Variants in KPNA5 observed in about 807,000 individuals in gnomAD.
The protein encoded by KPNA5 is importin subunit alpha-6.
KPNA5 carries 46 observed loss-of-function variants against 71.3 expected under a neutral mutation model. That is an observed-to-expected ratio of 0.65 (90% confidence interval 0.51 to 0.83). KPNA5 has a LOEUF of 0.83. Among genes scored for constraint, KPNA5 ranks in the 40% least tolerant of loss-of-function variants. KPNA5 has a pLI of 0.00. For synonymous variants in KPNA5, 207 were observed against 201.4 expected (o/e 1.03, Z -0.24); for missense variants, 547 against 628.3 (o/e 0.87, Z 1.38).
intron 1 of KPNA5, among the ~76,000 whole-genome samples, chr6:116,683,751 C>T (rs966928346): frequency 1.3e-5 from 2 of 151,328 alleles, no homozygotes; most frequent in Non-Finnish European, 2.9e-5. Flanking sequence ...GTGCCCACCA[C>T]CACGCCCGGC....
chr6:116,684,533 T>G (rs1777495448), intron 1 of KPNA5, among the ~76,000 whole-genome samples: 1 of 152,178 alleles, frequency 6.6e-6, no homozygotes, highest in Admixed American at 6.5e-5. Context: ...AAATATTCCT[T>G]TATCTTTTGA....
intron 4 of KPNA5, 41 bp from the exon 5 acceptor site, chr6:116,698,663 T>C: frequency 8.3e-7 from 1 of 1,201,498 alleles, no homozygotes; most frequent in South Asian, 1.3e-5. Context: ...TTGTTTTCTT[T>C]TTGTGTCTTT....
rs966587260 is a variant in KPNA5, at chr6:116,705,211, A to G, written c.656+51A>G. 2.3e-6 allele frequency: 3 copies of G among 1,283,968 alleles called. No homozygotes were observed. The Admixed American group carries it at 5.7e-5, about 24-fold the overall frequency. The allele number at this position is 1,283,968 out of a possible 1,614,324, so 79.5% of individuals were successfully genotyped here. On this transcript the variant is annotated intron_variant, in intron 7 of 13. Coordinates refer to ENST00000368564, the MANE Select transcript of KPNA5 (RefSeq NM_001366306.2). ...TATATCAAAAACTATATACTCCATG[A>G]TATTCTACATACATAATTAAGTTCT...
At chr6:116,681,586 G>A in intron 1 of KPNA5, 1 of 1,207,904 alleles carries the variant, frequency 8.3e-7, no homozygotes, top group Non-Finnish European at 1.0e-6. Context: ...GTCCTCTGGA[G>A]TGATGGGCAG....
intron 7 of KPNA5, among the ~76,000 whole-genome samples, chr6:116,712,822 C>T (rs1010724121): frequency 2.6e-5 from 4 of 151,844 alleles, no homozygotes; most frequent in Admixed American, 6.6e-5. Flanking sequence ...ACTATTGATT[C>T]CTTTCTTGTT....
intron 2 of KPNA5, among the ~76,000 whole-genome samples, chr6:116,689,933 G>A (rs1258179471): frequency 1.3e-5 from 2 of 152,194 alleles, no homozygotes; most frequent in African/African-American, 4.8e-5. Context: ...AATTGTTTAA[G>A]AGAGTACATC....
chr6:116,689,860 C>T (rs974896911), intron 2 of KPNA5, among the ~76,000 whole-genome samples: 8 of 152,154 alleles, frequency 5.3e-5, no homozygotes, highest in African/African-American at 1.9e-4. Context: ...TCATACTGTT[C>T]CCCCATTGTC....
chr6:116,689,308 C>T lies in KPNA5; in HGVS notation c.5-12C>T. ...GTTATCAGTGTCTGTTTTCTTTTCT[C>T]CTTCCTTTAAGATGCCATGGCTAGT... On this transcript the variant is annotated splice_polypyrimidine_tract_variant and intron_variant, in intron 1 of 13. Coordinates refer to ENST00000368564, the MANE Select transcript of KPNA5 (RefSeq NM_001366306.2). The T allele has an allele frequency of 6.3e-7, 1 of 1,595,546 alleles. No individual in the cohort carries two copies. The highest frequency in any genetic ancestry group is 8.5e-7 in the Non-Finnish European group (1 of 1,175,024).
intron 13 of KPNA5, among the ~76,000 whole-genome samples, chr6:116,730,287 A>T (rs1409830191): frequency 6.6e-6 from 1 of 151,736 alleles, no homozygotes; most frequent in Non-Finnish European, 1.5e-5. Flanking sequence ...GGGTCTCTCC[A>T]TGTTGGCTAG....
rs1388218567 is a variant in KPNA5, at chr6:116,736,994, T to C, written c.*4671T>C. On this transcript the variant is annotated 3_prime_UTR_variant, in exon 14 of 14. Coordinates refer to ENST00000368564, the MANE Select transcript of KPNA5 (RefSeq NM_001366306.2). Reference sequence around the variant, plus strand: ...ATAATAGCTGTTTGAATGGCCTTGCTACTAATTCTGTCATTTCTTGCTCTG... The same window carrying C: ...ATAATAGCTGTTTGAATGGCCTTGCCACTAATTCTGTCATTTCTTGCTCTG... The C allele has an allele frequency of 1.3e-5, 2 of 152,010 alleles. No homozygotes were observed. The highest frequency in any genetic ancestry group is 2.9e-5 in the Non-Finnish European group (2 of 67,944). The allele number at this position is 152,010 out of a possible 1,614,324, so 9.4% of individuals were successfully genotyped here.
At chr6:116,684,865 C>CA (rs756701083) in intron 1 of KPNA5, among the ~76,000 whole-genome samples, 1 of 152,158 alleles carries the variant, frequency 6.6e-6, no homozygotes, top group Non-Finnish European at 1.5e-5. Context: ...ACAGCAACGA[C>CA]AAAACCCCTT....
At chr6:116,703,900 A>G (rs1778332946) in intron 6 of KPNA5, among the ~76,000 whole-genome samples, 1 of 152,234 alleles carries the variant, frequency 6.6e-6, no homozygotes, top group Admixed American at 6.5e-5. Context: ...ATAAATGAAT[A>G]TGTGTTCTGA....
In KPNA5 at chr6:116,740,459, A is replaced by G. The variant is rs1779833399; in HGVS notation, c.*8136A>G. The stretch of plus-strand genomic sequence containing the variant: ...GGCGATTCCTCAGTGATCTAGAACT[A>G]GAAATACCATTTGACCCAGCCATCC... On this transcript the variant is annotated 3_prime_UTR_variant, in exon 14 of 14. Transcript: ENST00000368564. The G allele has an allele frequency of 6.6e-6, 1 of 152,254 alleles. No homozygotes were observed. The highest frequency in any genetic ancestry group is 1.5e-5 in the Non-Finnish European group (1 of 68,044). The allele number at this position is 152,254 out of a possible 1,614,324, so 9.4% of individuals were successfully genotyped here.
chr6:116,729,758 A>T lies in KPNA5; in HGVS notation c.1432+17A>T. The T allele has an allele frequency of 1.4e-6, 2 of 1,442,368 alleles. No homozygotes were observed. Among genetic ancestry groups the T allele is most frequent in the Non-Finnish European group, 1.8e-6 (2 of 1,085,306 alleles). The allele number at this position is 1,442,368 out of a possible 1,614,324, so 89.3% of individuals were successfully genotyped here. A position where few individuals can be genotyped will look rare whatever the true frequency, so the allele number is the denominator to read the frequency against. On this transcript the variant is annotated intron_variant, in intron 13 of 13. Transcript: ENST00000368564. ...AAGCATATGGTAAGCAATCAGTTAA[A>T]AATTTGCAATTATAGTCAGTTCTTA...
chr6:116,688,409 C>CA (rs1161575715), intron 1 of KPNA5, among the ~76,000 whole-genome samples: 1 of 152,196 alleles, frequency 6.6e-6, no homozygotes, highest in East Asian at 1.9e-4. Flanking sequence ...ACTGGGTACT[C>CA]ACTATCTACT....
chr6:116,698,009 G>C (rs1562434570), intron 4 of KPNA5, among the ~76,000 whole-genome samples: 1 of 151,892 alleles, frequency 6.6e-6, no homozygotes. Flanking sequence ...TCTAAGATGA[G>C]AATAAACAGG....
At chr6:116,723,903 A>G (rs981678434) in intron 9 of KPNA5, among the ~76,000 whole-genome samples, 6 of 152,152 alleles carry the variant, frequency 3.9e-5, no homozygotes, top group African/African-American at 1.4e-4. Context: ...ATAATTAGTG[A>G]CCAGAATTCA....
At chr6:116,690,151 T>TA (rs1328956509) in intron 2 of KPNA5, among the ~76,000 whole-genome samples, 1 of 149,806 alleles carries the variant, frequency 6.7e-6, no homozygotes, top group African/African-American at 2.5e-5. Flanking sequence ...CCCAGGCTGG[T>TA]ATTGAACTCC....
At chr6:116,713,780 G>A (rs763520423) in intron 7 of KPNA5, among the ~76,000 whole-genome samples, 4 of 152,158 alleles carry the variant, frequency 2.6e-5, no homozygotes, top group Non-Finnish European at 5.9e-5. Context: ...TCTTAGGGTT[G>A]TGGATTCTTT....
Sources: allele counts gnomAD v4.1 joint callset (sites outside exome capture counted in the v4.1 genomes callset), GRCh38; gene constraint gnomAD v4.1.1; transcripts MANE v1.5; gene names NCBI Gene and HGNC (gene_info 2026-07-23, HGNC 2026-07-21).